The following STAG1 variants were observed in gnomAD, a reference collection of about 807,000 sequenced individuals.
The protein encoded by STAG1 is STAG1 cohesin complex component.
STAG1 carries 26 observed loss-of-function variants against 170.9 expected under a neutral mutation model. The ratio of observed to expected loss-of-function variants is 0.15; its 90% CI spans 0.11 to 0.21. The LOEUF is 0.21. STAG1 is among the 10% of genes least tolerant of loss of function. STAG1 has a pLI of 1.00. For missense variants in STAG1, 964 were observed against 1,509.5 expected (o/e 0.64, Z 5.99); for synonymous variants, 514 against 497.7 (o/e 1.03, Z -0.44).
intron 1 of STAG1, among the ~76,000 whole-genome samples, chr3:136,665,992 G>A (rs142367851): frequency 1.7e-4 from 24 of 138,958 alleles, no homozygotes; most frequent in Middle Eastern, 3.7e-3. Context: ...GGAGAATGGC[G>A]TGAATCTGGA....
At chr3:136,397,616 G>A (rs2087204041) in intron 22 of STAG1, among the ~76,000 whole-genome samples, 1 of 152,022 alleles carries the variant, frequency 6.6e-6, no homozygotes, top group African/African-American at 2.4e-5. Context: ...AAGGAAACTG[G>A]AGTGCGTTTA....
intron 1 of STAG1, among the ~76,000 whole-genome samples, chr3:136,749,580 C>G (rs1935122907): frequency 6.6e-6 from 1 of 151,868 alleles, no homozygotes. Flanking sequence ...ACCCCGTCTC[C>G]ACTAAAAATA....
chr3:136,609,883 C>T (rs965422060), intron 3 of STAG1, among the ~76,000 whole-genome samples: 2 of 151,820 alleles, frequency 1.3e-5, no homozygotes, highest in African/African-American at 2.4e-5. Context: ...CTTAACATTC[C>T]ATAGATGGGG....
At chr3:136,452,436 C>G (rs1376300578) in intron 13 of STAG1, among the ~76,000 whole-genome samples, 2 of 151,606 alleles carry the variant, frequency 1.3e-5, no homozygotes, top group African/African-American at 4.8e-5. Flanking sequence ...TGGTGGCGGG[C>G]ACCTGTAGTC....
At chr3:136,550,458 C>T (rs1936336275) in intron 5 of STAG1, among the ~76,000 whole-genome samples, 1 of 152,068 alleles carries the variant, frequency 6.6e-6, no homozygotes, top group South Asian at 2.1e-4. Context: ...CAGGCGCCCA[C>T]CACCATGCCC....
At chr3:136,487,449 C>G (rs993307527) in intron 9 of STAG1, among the ~76,000 whole-genome samples, 5 of 152,130 alleles carry the variant, frequency 3.3e-5, no homozygotes, top group African/African-American at 1.2e-4. Flanking sequence ...AATCCCAGTC[C>G]TTGTCTACTT....
intron 32 of STAG1, 108 bp from the exon 33 acceptor site, chr3:136,338,558 A>G: frequency 1.3e-6 from 1 of 748,836 alleles, no homozygotes; most frequent in South Asian, 1.7e-5. Context: ...GGAACTGCTA[A>G]GAGTCAATTT....
intron 7 of STAG1, among the ~76,000 whole-genome samples, chr3:136,507,516 C>A (rs961499334): frequency 2.0e-5 from 3 of 151,986 alleles, no homozygotes; most frequent in Non-Finnish European, 4.4e-5. Flanking sequence ...CAGCTACCAC[C>A]ATGCCCAGCT....
intron 13 of STAG1, among the ~76,000 whole-genome samples, chr3:136,457,354 T>C (rs2089143506): frequency 6.6e-6 from 1 of 152,180 alleles, no homozygotes; most frequent in Non-Finnish European, 1.5e-5. Flanking sequence ...GCATATTTTA[T>C]ATGCATCAAA....
intron 1 of STAG1, among the ~76,000 whole-genome samples, chr3:136,645,768 T>C (rs1371187152): frequency 6.6e-6 from 1 of 152,118 alleles, no homozygotes; most frequent in Non-Finnish European, 1.5e-5. Flanking sequence ...CCCAAACCAT[T>C]TTCTCTCCTC....
intron 7 of STAG1, among the ~76,000 whole-genome samples, chr3:136,517,252 A>G (rs899192477): frequency 2.0e-5 from 3 of 152,168 alleles, no homozygotes; most frequent in African/African-American, 7.2e-5. Flanking sequence ...TTAGGAGGGA[A>G]AAAAGAGAAT....
intron 1 of STAG1, among the ~76,000 whole-genome samples, chr3:136,662,029 T>C (rs1322293064): frequency 6.6e-6 from 1 of 152,176 alleles, no homozygotes; most frequent in Non-Finnish European, 1.5e-5. Flanking sequence ...CTATCCTTCA[T>C]CCTAATAAGC....
At chr3:136,551,243 GA>G (rs1197233517) in intron 5 of STAG1, among the ~76,000 whole-genome samples, 3 of 147,054 alleles carry the variant, frequency 2.0e-5, no homozygotes, top group Admixed American at 6.8e-5. Flanking sequence ...GAGAGAGAGA[GA>G]GAGAGAGAGA....
intron 1 of STAG1, among the ~76,000 whole-genome samples, chr3:136,682,664 G>A (rs2107888607): frequency 6.6e-6 from 1 of 151,942 alleles, no homozygotes; most frequent in South Asian, 2.1e-4. Context: ...AAATACCTCG[G>A]AATAAACTTA....
intron 21 of STAG1, among the ~76,000 whole-genome samples, chr3:136,403,056 T>C: frequency 6.6e-6 from 1 of 151,084 alleles, no homozygotes; most frequent in Non-Finnish European, 1.5e-5. Context: ...GGCAAAACCC[T>C]GTCTCTACTA....
chr3:136,417,083 GTGA>G (rs764285597), intron 21 of STAG1, among the ~76,000 whole-genome samples: 2 of 151,992 alleles, frequency 1.3e-5, no homozygotes, highest in Non-Finnish European at 2.9e-5. Context: ...CTGACCTCAG[GTGA>G]TCCACCCTGC....
chr3:136,665,349 T>C (rs1941721015), intron 1 of STAG1, among the ~76,000 whole-genome samples: 1 of 152,180 alleles, frequency 6.6e-6, no homozygotes, highest in African/African-American at 2.4e-5. Context: ...AGGCAAGATT[T>C]AGGCCCTTTA....
chr3:136,653,116 T>C (rs1051811413), intron 1 of STAG1, among the ~76,000 whole-genome samples: 1 of 151,818 alleles, frequency 6.6e-6, no homozygotes, highest in African/African-American at 2.4e-5. Flanking sequence ...CTACTAAAAA[T>C]ACAAAATTTG....
intron 1 of STAG1, among the ~76,000 whole-genome samples, chr3:136,715,991 A>C (rs75685279): frequency 0.27 from 40,998 of 152,020 alleles, 6,493 homozygotes; most frequent in African/African-American, 0.44. Context: ...CCAGCTACTC[A>C]GCAGGCTGAA....
Sources: allele counts gnomAD v4.1 joint callset (sites outside exome capture counted in the v4.1 genomes callset), GRCh38; gene constraint gnomAD v4.1.1; transcripts MANE v1.5; gene names NCBI Gene and HGNC (gene_info 2026-07-23, HGNC 2026-07-21).